Variants in TMOD3 observed in about 807,000 individuals in gnomAD.
The protein encoded by TMOD3 is tropomodulin-3.
Under a neutral mutation model 39.2 loss-of-function variants are expected in TMOD3, and 20 were observed. The observed-to-expected ratio is 0.51, with a 90% confidence interval of 0.36 to 0.74. The LOEUF (loss-of-function observed/expected upper bound fraction) is 0.74, where lower values mean the gene tolerates loss of function less well. TMOD3 is among the 30% of genes least tolerant of loss of function. TMOD3 has a pLI of 0.00. For synonymous variants in TMOD3, 143 were observed against 145.8 expected, an observed-to-expected ratio of 0.98 and a Z score of 0.14; for missense variants, 381 against 412.8, an observed-to-expected ratio of 0.92 and a Z score of 0.67.
rs1158483450 is a variant in TMOD3, at chr15:51,914,928, C to T, written c.*6118C>T. The T allele has an allele frequency of 1.3e-5, 2 of 151,966 alleles. No homozygotes were observed. 9.4% of individuals were successfully genotyped at this position (151,966 alleles called of 1,614,324 possible). A position where few individuals can be genotyped will look rare whatever the true frequency, so the allele number is the denominator to read the frequency against. On this transcript the variant is annotated 3_prime_UTR_variant, in exon 10 of 10. Transcript: ENST00000308580. The stretch of plus-strand genomic sequence containing the variant: ...TGTATTTTCAGTAGAGACGGAGTTT[C>T]ACCATCTTGGCCAGGCTGGTCTCGA...
At chr15:51,877,284 T>C (rs1427495903) in intron 3 of TMOD3, among the ~76,000 whole-genome samples, 1 of 152,160 alleles carries the variant, frequency 6.6e-6, no homozygotes, top group Non-Finnish European at 1.5e-5. Flanking sequence ...AACTTTCCAG[T>C]GCTGGATGTA....
At chr15:51,908,720 A>G (rs1465533588) in intron 9 of TMOD3, 56 bp from the exon 10 acceptor site, 5 of 1,445,274 alleles carry the variant, frequency 3.5e-6, no homozygotes, top group African/African-American at 1.4e-5. Context: ...TAAGCAAGTT[A>G]CCATTGTAAA....
At chr15:51,850,557 G>C (rs1278593705) in intron 1 of TMOD3, among the ~76,000 whole-genome samples, 1 of 152,166 alleles carries the variant, frequency 6.6e-6, no homozygotes, top group Non-Finnish European at 1.5e-5. Flanking sequence ...AGTCATCTAA[G>C]AGAGTAGGAG....
Position 51,912,088 on chromosome 15 carries a change from T to G in TMOD3, c.*3278T>G, listed in dbSNP as rs1402129624. ...TCCAGTTGACCGAGTATCTGTTGTG[T>G]TTTTGTTTAAAAAGAGGATTCCATG... On this transcript the variant is annotated 3_prime_UTR_variant, in exon 10 of 10. Coordinates refer to ENST00000308580, the MANE Select transcript of TMOD3 (RefSeq NM_014547.5). The G allele has an allele frequency of 6.6e-6, 1 of 152,204 alleles. No homozygotes were observed. Among genetic ancestry groups the G allele is most frequent in the African/African-American group, 2.4e-5 (1 of 41,460 alleles). 9.4% of individuals were successfully genotyped at this position (152,204 alleles called of 1,614,324 possible).
rs1444373529 is a variant in TMOD3 at position 51,861,187 on chromosome 15, T to C, written c.-74-1624T>C. ...ATTCTGTACTGTAGATCAGAAGCCT[T>C]CTTAATGATAGCGTTAATCTCTGCA... On this transcript the variant is annotated intron_variant, in intron 1 of 9. Transcript: ENST00000308580. The C allele has an allele frequency of 1.3e-5, 6 of 473,808 alleles. No individual in the cohort carries two copies. The East Asian group carries it at 3.1e-4, about 24-fold the overall frequency. The allele number at this position is 473,808 out of a possible 1,614,324, so 29.4% of individuals were successfully genotyped here.
intron 2 of TMOD3, among the ~76,000 whole-genome samples, chr15:51,868,306 T>TA (rs199674551): frequency 1.5e-5 from 2 of 130,216 alleles, no homozygotes; most frequent in Admixed American, 8.2e-5. Flanking sequence ...TAAAACTTTT[T>TA]AAAAAAAACG....
At chr15:51,908,396 A>C in intron 9 of TMOD3, among the ~76,000 whole-genome samples, 1 of 152,340 alleles carries the variant, frequency 6.6e-6, no homozygotes, top group East Asian at 1.9e-4. Context: ...CAAGATAGTG[A>C]GACCTAATGT....
chr15:51,897,799 C>CA (rs1205606682), intron 7 of TMOD3, among the ~76,000 whole-genome samples: 57 of 120,886 alleles, frequency 4.7e-4, no homozygotes, highest in African/African-American at 1.8e-3. Context: ...AAAAAAAAAA[C>CA]AAAAAACTAA....
rs140905096 is a variant in TMOD3 at position 51,865,746 on chromosome 15, C to G, written c.126+2736C>G. 5.6e-3 allele frequency among the ~76,000 whole-genome samples: 848 copies of G among 152,250 alleles called. 9 individuals are homozygous for G. The highest frequency in any genetic ancestry group is 0.02 in the African/African-American group (818 of 41,532). ...AAGAGGTCAAGGGTAGTAGCAGCTA[C>G]TTCAGCCAAAGAAACACCACTGTAA... On this transcript the variant is annotated intron_variant, in intron 2 of 9. Coordinates refer to ENST00000308580, the MANE Select transcript of TMOD3 (RefSeq NM_014547.5).
intron 1 of TMOD3, among the ~76,000 whole-genome samples, chr15:51,846,496 A>G (rs939366759): frequency 6.6e-6 from 1 of 152,240 alleles, no homozygotes; most frequent in Non-Finnish European, 1.5e-5. Flanking sequence ...TGTGTTCTTC[A>G]ATGCTTACTA....
intron 1 of TMOD3, among the ~76,000 whole-genome samples, chr15:51,851,143 G>A (rs1404010161): frequency 1.3e-5 from 2 of 152,108 alleles, no homozygotes; most frequent in South Asian, 4.1e-4. Context: ...GGACTGCTGG[G>A]GGGTGATAAC....
chr15:51,892,904 T>A lies in TMOD3; in HGVS notation c.497-911T>A, dbSNP rs942839202. ...AATATCTTGTAATATACTAAGACAA[T>A]GAAAATATTCATTTTTGAAGACTGA... On this transcript the variant is annotated intron_variant, in intron 5 of 9. Transcript: ENST00000308580. Among the ~76,000 whole-genome samples, 100 of 152,210 alleles carry A rather than the reference T, an allele frequency of 6.6e-4. 1 individual carries two copies. The highest frequency in any genetic ancestry group is 8.8e-5 in the Non-Finnish European group (6 of 68,018).
At chr15:51,857,312 A>G (rs570465374) in intron 1 of TMOD3, among the ~76,000 whole-genome samples, 1 of 152,312 alleles carries the variant, frequency 6.6e-6, no homozygotes, top group South Asian at 2.1e-4. Context: ...ATATGAGGGT[A>G]TTAGTAATGT....
At chr15:51,890,337 A>T (rs1595907781) in intron 5 of TMOD3, among the ~76,000 whole-genome samples, 4 of 128,238 alleles carry the variant, frequency 3.1e-5, no homozygotes, top group South Asian at 2.5e-4. Flanking sequence ...TGTCCAGCTA[A>T]TTTTTTTTTT....
rs752691489 is a variant in TMOD3 at position 51,902,051 on chromosome 15, C to T, written c.1024+15C>T. 9 of 1,611,110 alleles carry T rather than the reference C, an allele frequency of 5.6e-6. No individual in the cohort carries two copies. Among genetic ancestry groups the T allele is most frequent in the East Asian group, 2.2e-5 (1 of 44,858 alleles). On this transcript the variant is annotated intron_variant, in intron 9 of 9. Coordinates refer to ENST00000308580, the MANE Select transcript of TMOD3 (RefSeq NM_014547.5). ...CAATGACTTAGGTAAGACATAGTAT[C>T]GATCAAGTTTCTGAGTTCTATCACA...
intron 5 of TMOD3, chr15:51,892,340 A>G (rs561766993): frequency 6.6e-6 from 1 of 152,014 alleles, no homozygotes; most frequent in African/African-American, 2.4e-5. Context: ...CAGAAAATGT[A>G]TCCATAAAAG....
intron 1 of TMOD3, among the ~76,000 whole-genome samples, chr15:51,852,069 GTTTTT>G (rs2056364804): frequency 6.6e-6 from 1 of 152,018 alleles, no homozygotes; most frequent in Non-Finnish European, 1.5e-5. Context: ...TTATTAATTG[GTTTTT>G]GTCTGTATGC....
At position 51,915,600 on chromosome 15, in the gene TMOD3, A is replaced by G. The variant is rs1252713890; in HGVS notation, c.*6790A>G. 6.6e-6 allele frequency: 1 copy of G among 152,238 alleles called. No homozygotes were observed. The highest frequency in any genetic ancestry group is 2.4e-5 in the African/African-American group (1 of 41,460). 9.4% of individuals were successfully genotyped at this position (152,238 alleles called of 1,614,324 possible). On this transcript the variant is annotated 3_prime_UTR_variant, in exon 10 of 10. Coordinates refer to ENST00000308580, the MANE Select transcript of TMOD3 (RefSeq NM_014547.5). ...AACACTGGTATTTAAATAATACAAAATATTATCCAAATTCATAACAGCACA... is the reference window on the plus strand; with the variant it reads ...AACACTGGTATTTAAATAATACAAAGTATTATCCAAATTCATAACAGCACA...
chr15:51,903,100 T>C, intron 9 of TMOD3, among the ~76,000 whole-genome samples: 1 of 152,186 alleles, frequency 6.6e-6, no homozygotes, highest in East Asian at 1.9e-4. Flanking sequence ...CCAGGTTTTA[T>C]AGTCTGGTAT....
Sources: allele counts gnomAD v4.1 joint callset (sites outside exome capture counted in the v4.1 genomes callset), GRCh38; gene constraint gnomAD v4.1.1; transcripts MANE v1.5; gene names NCBI Gene and HGNC (gene_info 2026-07-23, HGNC 2026-07-21).